The following ZNF467 variants were observed in gnomAD, a reference collection of about 807,000 sequenced individuals.
ZNF467 encodes the protein zinc finger protein EZI.
A neutral mutation model predicts 47.8 loss-of-function variants in ZNF467; 51 were observed. The observed-to-expected ratio is 1.07, with a 90% confidence interval of 0.85 to 1.35. ZNF467 has a LOEUF of 1.35. Among genes scored for constraint, ZNF467 ranks in the 40% most tolerant of loss-of-function variants. The pLI is 0.00. For missense variants in ZNF467, 992 were observed against 858.1 expected, an observed-to-expected ratio of 1.16 and a Z score of -1.95; for synonymous variants, 416 against 372.9, an observed-to-expected ratio of 1.12 and a Z score of -1.33.
upstream of ZNF467, among the ~76,000 whole-genome samples, chr7:149,775,099 T>G (rs1799538441): frequency 6.6e-6 from 1 of 152,092 alleles, no homozygotes; most frequent in Admixed American, 6.5e-5. Flanking sequence ...CTCGGATTAT[T>G]TCATCCGGCT....
At chr7:149,772,650 C>A (rs115631367) in intron 1 of ZNF467, among the ~76,000 whole-genome samples, 3,894 of 148,932 alleles carry the variant, frequency 0.026, 180 homozygotes, top group African/African-American at 0.087. Flanking sequence ...CCAAGCAGCT[C>A]CGATCGCCGA....
At chr7:149,766,556 T>G (rs1238019163) in intron 4 of ZNF467, among the ~76,000 whole-genome samples, 1 of 152,200 alleles carries the variant, frequency 6.6e-6, no homozygotes, top group Non-Finnish European at 1.5e-5. Flanking sequence ...TTCACATCCC[T>G]TTGGTGGCTG....
rs747977554 is a variant in ZNF467 at position 149,765,331 on chromosome 7, GT to G, written c.1170del (p.Leu391TrpfsTer140). 5 of 1,510,824 alleles carry G rather than the reference GT, an allele frequency of 3.3e-6. No homozygotes were observed. The East Asian group carries it at 1.2e-4, about 37-fold the overall frequency. The allele number at this position is 1,510,824 out of a possible 1,614,324, so 93.6% of individuals were successfully genotyped here. A position where few individuals can be genotyped will look rare whatever the true frequency, so the allele number is the denominator to read the frequency against. On this transcript the variant is annotated frameshift_variant, in exon 5 of 5. Coordinates refer to ENST00000302017, the MANE Select transcript of ZNF467 (RefSeq NM_207336.3). LOFTEE classifies it high-confidence loss of function. ...GCGGGGGCATCCACGGTGGCGCCCA[GT>G]GCGCACTCATCGCACCCAAAGGGGC... is the stretch of plus-strand genomic sequence containing the variant. ...EGRPFGCDECALGATVDAPAA... is the reference protein window; with the variant it reads ...EGRPFGCDECXLGATVDAPAA...
upstream of ZNF467, among the ~76,000 whole-genome samples, chr7:149,774,139 C>CGATT (rs1428555097): frequency 6.6e-6 from 1 of 151,776 alleles, no homozygotes; most frequent in Admixed American, 6.6e-5. The surrounding 1 kb of genome is among the most constrained non-coding windows in gnomAD (Gnocchi z 5.7). Flanking sequence ...GGGCGGGAGA[C>CGATT]GATTGCTGGG....
chr7:149,774,678 C>T (rs757216826), upstream of ZNF467, among the ~76,000 whole-genome samples: 2 of 152,182 alleles, frequency 1.3e-5, no homozygotes, highest in African/African-American at 2.4e-5. This position sits in a 1 kb window ranked among gnomAD's most constrained non-coding sequence, Gnocchi z 5.7. Context: ...GCACCTGTGC[C>T]GGTGTTGTGA....
At chr7:149,774,110 A>G (rs765838790), upstream of ZNF467, among the ~76,000 whole-genome samples, 3 of 148,678 alleles carry the variant, frequency 2.0e-5, no homozygotes, top group Non-Finnish European at 3.0e-5. This position sits in a 1 kb window ranked among gnomAD's most constrained non-coding sequence, Gnocchi z 5.7. Context: ...AGGGGGCTGC[A>G]GAGAGGGGAG....
chr7:149,772,364 CCCCAGAA>C (rs1563082445), intron 1 of ZNF467, among the ~76,000 whole-genome samples: 1 of 90,168 alleles, frequency 1.1e-5, no homozygotes, highest in Non-Finnish European at 2.2e-5. Flanking sequence ...CGTCCCCAGT[CCCCAGAA>C]CCGCTCTTCC....
upstream of ZNF467, chr7:149,776,136 G>A: frequency 7.5e-7 from 1 of 1,331,964 alleles, no homozygotes. Context: ...TCCTCCTTCT[G>A]CCGCATGCCC....
chr7:149,765,452 G>A lies in ZNF467; in HGVS notation c.1050C>T (p.Pro350=), dbSNP rs1196526754. 3.2e-6 allele frequency: 5 copies of A among 1,583,406 alleles called. No homozygotes were observed. In the African/African-American group the frequency reaches 4.0e-5, roughly 13 times the overall value. Residue 350 remains proline (P), a synonymous_variant, in exon 5 of 5, where the codon CCC becomes CCT. Transcript: ENST00000302017. ...CGGAGCACGCGAAAGGCTTTGGCCC[G>A]GGAAAGGATGGGGTCGGGGACGGGG... ...STAPSPTPSF[P]GPKPFACSDC...
Position 149,769,267 on chromosome 7 carries a change from G to T in ZNF467, c.152-67C>A. 1.4e-6 allele frequency: 2 copies of T among 1,395,388 alleles called. No homozygotes were observed. The highest frequency in any genetic ancestry group is 1.9e-6 in the Non-Finnish European group (2 of 1,036,364). 86.4% of individuals were successfully genotyped at this position (1,395,388 alleles called of 1,614,324 possible). On this transcript the variant is annotated intron_variant, in intron 3 of 4. Transcript: ENST00000302017. This position sits in a 1 kb window ranked among gnomAD's most constrained non-coding sequence, Gnocchi z 5.3. Reference sequence around the variant, plus strand: ...CAGATGGCCAAAGGGCCCCACTGGTGCTGGGAAGCAGGAGCATTTGAAACC... The same window carrying T: ...CAGATGGCCAAAGGGCCCCACTGGTTCTGGGAAGCAGGAGCATTTGAAACC...
At chr7:149,776,200 C>G (rs1315067406), upstream of ZNF467, 1 of 983,164 alleles carries the variant, frequency 1.0e-6, no homozygotes, top group Admixed American at 2.6e-5. Context: ...GATCCTCCCT[C>G]CACCCCCGCC....
upstream of ZNF467, among the ~76,000 whole-genome samples, chr7:149,774,539 CCCA>C (rs2117485684): frequency 6.6e-6 from 1 of 152,268 alleles, no homozygotes; most frequent in East Asian, 1.9e-4. This position sits in a 1 kb window ranked among gnomAD's most constrained non-coding sequence, Gnocchi z 5.7. Flanking sequence ...GCTACCACAG[CCCA>C]CCACAAGGAT....
upstream of ZNF467, among the ~76,000 whole-genome samples, chr7:149,775,586 T>A (rs1168415421): frequency 6.6e-6 from 1 of 152,172 alleles, no homozygotes; most frequent in Non-Finnish European, 1.5e-5. Flanking sequence ...GTCTGAGACC[T>A]ATTTGTGCAT....
Position 149,769,547 on chromosome 7 carries a change from C to A in ZNF467, c.152-347G>T, listed in dbSNP as rs1002777916. On this transcript the variant is annotated intron_variant, in intron 3 of 4. Coordinates refer to ENST00000302017, the MANE Select transcript of ZNF467 (RefSeq NM_207336.3). This position sits in a 1 kb window ranked among gnomAD's most constrained non-coding sequence, Gnocchi z 5.3. ...GAAGGGCTGGGGACTTCCCAGCCCC[C>A]AGATGGACCCTGGTTCCAAGCAAAT... Among the ~76,000 whole-genome samples, 10 of 152,152 alleles carry A rather than the reference C, an allele frequency of 6.6e-5. No homozygotes were observed. Among genetic ancestry groups the A allele is most frequent in the Admixed American group, 6.5e-4 (10 of 15,284 alleles).
rs192558755 is a variant in ZNF467 at position 149,768,991 on chromosome 7, G to A, written c.262+99C>T. On this transcript the variant is annotated intron_variant, in intron 4 of 4. Coordinates refer to ENST00000302017, the MANE Select transcript of ZNF467 (RefSeq NM_207336.3). ...TAGAAGGGCCTGGACTGCCTGTCTT[G>A]GGGGATTACCTGCCTCATGAGATAG... 2.8e-6 allele frequency: 3 copies of A among 1,079,506 alleles called. No homozygotes were observed. The South Asian group carries it at 4.9e-5, about 18-fold the overall frequency. 66.9% of individuals were successfully genotyped at this position (1,079,506 alleles called of 1,614,324 possible). A position where few individuals can be genotyped will look rare whatever the true frequency, so the allele number is the denominator to read the frequency against.
chr7:149,764,547 C>T lies in ZNF467; in HGVS notation c.*167G>A. ...CGCTGAGTCTCTGTCCTAGGAGGTC[C>T]GAGCTGGGTATGCTGTGCGGACGCA... On this transcript the variant is annotated 3_prime_UTR_variant, in exon 5 of 5. Coordinates refer to ENST00000302017, the MANE Select transcript of ZNF467 (RefSeq NM_207336.3). The T allele has an allele frequency of 1.6e-6, 2 of 1,289,910 alleles. No individual in the cohort carries two copies. The highest frequency in any genetic ancestry group is 2.2e-6 in the Non-Finnish European group (2 of 918,156). The allele number at this position is 1,289,910 out of a possible 1,614,324, so 79.9% of individuals were successfully genotyped here. A position where few individuals can be genotyped will look rare whatever the true frequency, so the allele number is the denominator to read the frequency against.
chr7:149,771,913 C>T (rs532660355), intron 1 of ZNF467, among the ~76,000 whole-genome samples: 41 of 150,834 alleles, frequency 2.7e-4, no homozygotes, highest in African/African-American at 9.5e-4. Flanking sequence ...GTCGGCCCTC[C>T]GCTGCCACCG....
chr7:149,770,429 C>T lies in ZNF467; in HGVS notation c.151+11G>A. On this transcript the variant is annotated intron_variant, in intron 3 of 4. Coordinates refer to ENST00000302017, the MANE Select transcript of ZNF467 (RefSeq NM_207336.3). ...TCCTCCCTGAGCCTTTCCAGGGTTC[C>T]TGTTACCTACCTGAGCACACCCCCA... is the stretch of plus-strand genomic sequence containing the variant. The T allele has an allele frequency of 6.3e-7, 1 of 1,598,384 alleles. No homozygotes were observed. Among genetic ancestry groups the T allele is most frequent in the Non-Finnish European group, 8.5e-7 (1 of 1,170,828 alleles).
In ZNF467 at chr7:149,766,101, T is replaced by A; in HGVS notation, c.401A>T (p.Tyr134Phe). 3 of 1,609,996 alleles carry A rather than the reference T, an allele frequency of 1.9e-6. No homozygotes were observed. Among genetic ancestry groups the A allele is most frequent in the Non-Finnish European group, 2.5e-6 (3 of 1,177,630 alleles). Reference protein sequence around the residue: ...APDLGHLAAAYKLEPGAPGAL... With the variant: ...APDLGHLAAAFKLEPGAPGAL... ...CCCCGGGGCCCCTGGCTCCAGTTTG[T>A]ACGCGGCAGCCAGATGCCCCAGGTC... The change falls in exon 5 of 5, where the codon TAC (tyrosine) becomes TTC (phenylalanine). Residue 134 changes from tyrosine to phenylalanine, a missense_variant. Tyr to Phe is a conservative substitution (Grantham distance 22). Transcript: ENST00000302017.
Sources: allele counts gnomAD v4.1 joint callset (sites outside exome capture counted in the v4.1 genomes callset), GRCh38; gene constraint gnomAD v4.1.1; non-coding constraint Gnocchi (gnomAD v3.1); transcripts MANE v1.5; gene names NCBI Gene and HGNC (gene_info 2026-07-23, HGNC 2026-07-21).